Variants in EIF3H observed in about 807,000 individuals in gnomAD.
EIF3H encodes eIF-3-gamma.
In EIF3H, 26 loss-of-function variants were observed where a neutral mutation model predicts 44.2. That is an observed-to-expected ratio of 0.59 (90% CI 0.43 to 0.82). The LOEUF is 0.82. Among genes scored for constraint, EIF3H ranks in the 40% least tolerant of loss-of-function variants. EIF3H has a pLI of 0.00. For synonymous variants in EIF3H, 166 were observed against 151.9 expected (o/e 1.09, Z -0.68); for missense variants, 359 against 432.8 (o/e 0.83, Z 1.51).
Position 116,658,779 on chromosome 8 carries a change from T to A in EIF3H, c.457+34A>T, listed in dbSNP as rs775274739. On this transcript the variant is annotated intron_variant, in intron 3 of 7. Transcript: ENST00000521861. ...AAAGCAAAAATAGTAGTAATAATAT[T>A]AAGGGAAAAAAGAATAATAAACCTC... The A allele has an allele frequency of 3.8e-6, 6 of 1,595,162 alleles. No homozygotes were observed. In the Admixed American group the frequency reaches 5.4e-5, roughly 14 times the overall value.
chr8:116,651,006 G>A (rs1813381455), intron 5 of EIF3H, among the ~76,000 whole-genome samples: 1 of 152,178 alleles, frequency 6.6e-6, no homozygotes, highest in African/African-American at 2.4e-5. Flanking sequence ...CCAGGGGTTA[G>A]GGGAATAGGA....
Position 116,726,082 on chromosome 8 carries a change from G to T in EIF3H, c.223C>A (p.Arg75=). ...GVLLGLVVED[R]LEITNCFPFP... ...GGAAAGCAGTTGGTAATTTCAAGCCGATCTTCTACAACCAGACCCAAAAGC... is the reference window on the plus strand; with the variant it reads ...GGAAAGCAGTTGGTAATTTCAAGCCTATCTTCTACAACCAGACCCAAAAGC... Residue 75 remains arginine (R), a synonymous_variant, in exon 2 of 8, where the codon CGG becomes AGG. Coordinates refer to ENST00000521861, the MANE Select transcript of EIF3H (RefSeq NM_003756.3). 2 of 1,614,010 alleles carry T rather than the reference G, an allele frequency of 1.2e-6. No individual in the cohort carries two copies. Among genetic ancestry groups the T allele is most frequent in the Non-Finnish European group, 1.7e-6 (2 of 1,179,954 alleles).
chr8:116,737,342 T>C (rs566481238), intron 1 of EIF3H: 4 of 429,610 alleles, frequency 9.3e-6, no homozygotes, highest in South Asian at 6.8e-5. Context: ...AAAAAGCCCA[T>C]AACCCAAAAA....
chr8:116,665,515 C>T (rs1451761425), intron 2 of EIF3H, among the ~76,000 whole-genome samples: 1 of 152,102 alleles, frequency 6.6e-6, no homozygotes, highest in Non-Finnish European at 1.5e-5. Context: ...AAAGCTCAAT[C>T]AGGAGATGCA....
chr8:116,662,671 C>A (rs1372386992), intron 2 of EIF3H, among the ~76,000 whole-genome samples: 1 of 152,090 alleles, frequency 6.6e-6, no homozygotes, highest in Non-Finnish European at 1.5e-5. Context: ...CCAACTCCTG[C>A]AAAAGCTTCC....
intron 2 of EIF3H, among the ~76,000 whole-genome samples, chr8:116,705,495 C>G (rs922391347): frequency 8.0e-6 from 1 of 125,324 alleles, no homozygotes; most frequent in East Asian, 2.0e-4. Flanking sequence ...TGTTACACCC[C>G]CCCCCACCAC....
At chr8:116,721,526 A>T (rs1814746480) in intron 2 of EIF3H, among the ~76,000 whole-genome samples, 1 of 152,196 alleles carries the variant, frequency 6.6e-6, no homozygotes, top group African/African-American at 2.4e-5. Context: ...CAGACCCCAG[A>T]ATGGTAGATC....
At position 116,747,072 on chromosome 8, in the gene EIF3H, G is replaced by GTT. The variant is rs34180763; in HGVS notation, c.132+8592_132+8593dup. Among the ~76,000 whole-genome samples the GTT allele has an allele frequency of 4.1e-3, 620 of 151,388 alleles. 4 individuals are homozygous for GTT. Among genetic ancestry groups the GTT allele is most frequent in the Non-Finnish European group, 5.8e-3 (395 of 67,780 alleles). ...CAATAACATGTTTTTTTGTTTTTTT[G>GTT]TTTTTTTTGAGACAGAGTCTCTGCC... On this transcript the variant is annotated intron_variant, in intron 1 of 7. Transcript: ENST00000521861.
chr8:116,727,228 G>C (rs935094784), intron 1 of EIF3H, among the ~76,000 whole-genome samples: 3 of 152,178 alleles, frequency 2.0e-5, no homozygotes, highest in African/African-American at 7.2e-5. Context: ...GCCTAAGAGA[G>C]AATCAATGCG....
At chr8:116,684,690 T>C (rs1489953818) in intron 2 of EIF3H, among the ~76,000 whole-genome samples, 1 of 152,142 alleles carries the variant, frequency 6.6e-6, no homozygotes, top group East Asian at 1.9e-4. Flanking sequence ...AATTCAAAGA[T>C]TGAAGGAAAT....
intron 3 of EIF3H, chr8:116,657,862 T>C (rs1440606729): frequency 6.5e-6 from 1 of 154,024 alleles, no homozygotes; most frequent in Non-Finnish European, 1.4e-5. Flanking sequence ...AAACTAATTT[T>C]GTCAAAGCTA....
At chr8:116,687,029 TG>T (rs1392349324) in intron 2 of EIF3H, among the ~76,000 whole-genome samples, 1 of 152,224 alleles carries the variant, frequency 6.6e-6, no homozygotes, top group East Asian at 1.9e-4. Context: ...AGGGTTTAGT[TG>T]AAGAGTGACA....
intron 2 of EIF3H, among the ~76,000 whole-genome samples, chr8:116,704,324 T>C (rs550597548): frequency 6.6e-6 from 1 of 152,342 alleles, no homozygotes. Context: ...ACACAATCAA[T>C]GTTTGGCACA....
chr8:116,642,891 T>C lies in EIF3H; in HGVS notation c.*2115A>G, dbSNP rs1405328490. The C allele has an allele frequency of 2.0e-5, 3 of 152,270 alleles. No individual in the cohort carries two copies. Among genetic ancestry groups the C allele is most frequent in the African/African-American group, 7.2e-5 (3 of 41,478 alleles). 9.4% of individuals were successfully genotyped at this position (152,270 alleles called of 1,614,324 possible). A position where few individuals can be genotyped will look rare whatever the true frequency, so the allele number is the denominator to read the frequency against. Reference sequence around the variant, plus strand: ...TCCCAAATCAAAAATTACTGAAATCTTTCATTAAGTGTGTATTCATGTTAC... The same window carrying C: ...TCCCAAATCAAAAATTACTGAAATCCTTCATTAAGTGTGTATTCATGTTAC... On this transcript the variant is annotated 3_prime_UTR_variant, in exon 8 of 8. Transcript: ENST00000521861.
chr8:116,704,939 A>AGG (rs1180259521), intron 2 of EIF3H, among the ~76,000 whole-genome samples: 1 of 152,198 alleles, frequency 6.6e-6, no homozygotes, highest in Non-Finnish European at 1.5e-5. Flanking sequence ...CATTATACCA[A>AGG]ATGTAAAGGT....
chr8:116,648,739 G>T, intron 6 of EIF3H, 67 bp downstream of exon 6: 1 of 1,484,760 alleles, frequency 6.7e-7, no homozygotes, highest in South Asian at 1.5e-5. Flanking sequence ...AGGTCATTTT[G>T]AACATGACTC....
At chr8:116,692,394 C>A (rs186425843) in intron 2 of EIF3H, among the ~76,000 whole-genome samples, 25 of 152,190 alleles carry the variant, frequency 1.6e-4, no homozygotes, top group Admixed American at 4.6e-4. Context: ...ACATATTTTT[C>A]TAGGGCCTTG....
chr8:116,646,856 G>C (rs979143358), intron 6 of EIF3H, among the ~76,000 whole-genome samples: 1 of 152,112 alleles, frequency 6.6e-6, no homozygotes, highest in African/African-American at 2.4e-5. Context: ...AACAAAACTA[G>C]TTATGTAAGT....
chr8:116,667,158 C>CA (rs1813684386), intron 2 of EIF3H, among the ~76,000 whole-genome samples: 1 of 152,176 alleles, frequency 6.6e-6, no homozygotes, highest in Admixed American at 6.5e-5. Flanking sequence ...TTAAAACATA[C>CA]AATTTGGCTC....
Sources: gnomAD v4.1 joint callset for allele counts (sites outside exome capture counted in the v4.1 genomes callset) on GRCh38, gnomAD v4.1.1 for gene constraint, MANE v1.5 for transcripts, NCBI Gene and HGNC (gene_info 2026-07-23, HGNC 2026-07-21) for gene names.